The following MAST4 variants were observed in gnomAD, a reference collection of about 807,000 sequenced individuals.
MAST4 encodes the protein microtubule-associated serine/threonine-protein kinase 4.
Under a neutral mutation model 162.7 loss-of-function variants are expected in MAST4, and 89 were observed. That is an observed-to-expected ratio of 0.55 (90% CI 0.46 to 0.65). The LOEUF is 0.65. Among genes scored for constraint, MAST4 ranks in the 30% least tolerant of loss-of-function variants. MAST4 has a pLI of 0.00. For missense variants in MAST4, 3,153 were observed against 3,374.0 expected (o/e 0.93, Z 1.62); for synonymous variants, 1,479 against 1,361.1 (o/e 1.09, Z -1.91).
intron 5 of MAST4, among the ~76,000 whole-genome samples, chr5:67,073,420 G>A (rs1351236103): frequency 6.6e-6 from 1 of 152,226 alleles, no homozygotes; most frequent in African/African-American, 2.4e-5. Flanking sequence ...TTGGAAAAGT[G>A]GGTGGTGGCA....
At chr5:67,062,305 G>A (rs1759720600) in intron 5 of MAST4, among the ~76,000 whole-genome samples, 1 of 152,104 alleles carries the variant, frequency 6.6e-6, no homozygotes, top group South Asian at 2.1e-4. Context: ...AGCTGAGGTA[G>A]GAGAATCGCT....
Position 67,142,186 on chromosome 5 carries a change from G to T in MAST4, c.2566G>T (p.Ala856Ser). 6.2e-7 allele frequency: 1 copy of T among 1,613,872 alleles called. No individual in the cohort carries two copies. Among genetic ancestry groups the T allele is most frequent in the Non-Finnish European group, 8.5e-7 (1 of 1,179,810 alleles). Residue 856 changes from alanine (A) to serine (S), a missense_variant, in exon 20 of 29, where the codon GCA (alanine) becomes TCA (serine). Transcript: ENST00000403625. ...LDWNSLLRQK[A>S]EFIPQLESED... is the part of the protein sequence containing the mutation. ...CTGGAACAGTTTGCTGAGACAGAAGGCAGAATTTATTCCCCAACTGGAATC... is the reference window on the plus strand; with the variant it reads ...CTGGAACAGTTTGCTGAGACAGAAGTCAGAATTTATTCCCCAACTGGAATC...
chr5:66,887,459 C>T (rs956657663), intron 3 of MAST4, among the ~76,000 whole-genome samples: 1 of 152,146 alleles, frequency 6.6e-6, no homozygotes, highest in African/African-American at 2.4e-5. Flanking sequence ...GAAAACCCAA[C>T]TAATAGTAGG....
At chr5:67,042,858 G>T (rs1756931113) in intron 4 of MAST4, among the ~76,000 whole-genome samples, 1 of 152,186 alleles carries the variant, frequency 6.6e-6, no homozygotes, top group Admixed American at 6.5e-5. Flanking sequence ...AAAGAACAAA[G>T]TGGAGCTCTG....
At chr5:66,631,494 C>T (rs992548732) in intron 1 of MAST4, among the ~76,000 whole-genome samples, 1 of 152,148 alleles carries the variant, frequency 6.6e-6, no homozygotes, top group African/African-American at 2.4e-5. Context: ...AAAGGAGCCA[C>T]AGTAGGGCTG....
intron 3 of MAST4, among the ~76,000 whole-genome samples, chr5:66,877,622 C>T (rs540061468): frequency 1.8e-4 from 27 of 152,260 alleles, no homozygotes; most frequent in African/African-American, 3.9e-4. Context: ...GCCTGGCATT[C>T]GCAACTGCTT....
chr5:66,625,045 T>C (rs1292928641), intron 1 of MAST4, among the ~76,000 whole-genome samples: 2 of 152,232 alleles, frequency 1.3e-5, no homozygotes, highest in African/African-American at 2.4e-5. Context: ...TGTTATTTTT[T>C]TGTACATGCA....
intron 1 of MAST4, among the ~76,000 whole-genome samples, chr5:66,743,790 T>C (rs762514480): frequency 1.3e-5 from 2 of 152,232 alleles, no homozygotes; most frequent in African/African-American, 4.8e-5. Context: ...CTTGGAATTT[T>C]AAAATTTTTT....
intron 4 of MAST4, among the ~76,000 whole-genome samples, chr5:66,996,737 CCTT>C (rs1264152010): frequency 6.6e-6 from 1 of 152,276 alleles, no homozygotes; most frequent in East Asian, 1.9e-4. Context: ...CACATTGCTG[CCTT>C]CTTCAAGTAT....
chr5:66,865,461 T>A (rs1429681798), intron 3 of MAST4, among the ~76,000 whole-genome samples: 1 of 152,198 alleles, frequency 6.6e-6, no homozygotes, highest in African/African-American at 2.4e-5. Context: ...TAAGGAAAAA[T>A]GCATATTACA....
At chr5:66,654,185 G>T (rs1230655205) in intron 1 of MAST4, among the ~76,000 whole-genome samples, 1 of 152,196 alleles carries the variant, frequency 6.6e-6, no homozygotes, top group Non-Finnish European at 1.5e-5. Flanking sequence ...GGCCAGGGGA[G>T]ACTCCTCTGA....
intron 3 of MAST4, among the ~76,000 whole-genome samples, chr5:66,877,631 T>C (rs1300370292): frequency 6.6e-6 from 1 of 152,226 alleles, no homozygotes; most frequent in African/African-American, 2.4e-5. Context: ...TCGCAACTGC[T>C]TCCTCTTTGT....
rs928116927 is a variant in MAST4 at position 66,788,932 on chromosome 5, T to C, written c.642+138T>C. 1.8e-5 allele frequency: 21 copies of C among 1,190,954 alleles called. No homozygotes were observed. In the African/African-American group the frequency reaches 3.3e-4, roughly 19 times the overall value. The allele number at this position is 1,190,954 out of a possible 1,614,324, so 73.8% of individuals were successfully genotyped here. ...ACATATTTGGCAATGTGGAATTCCTTGCTTTCAATGTGCTAATTTCTGCAC... is the reference window on the plus strand; with the variant it reads ...ACATATTTGGCAATGTGGAATTCCTCGCTTTCAATGTGCTAATTTCTGCAC... On this transcript the variant is annotated intron_variant, in intron 3 of 28. Coordinates refer to ENST00000403625, the MANE Select transcript of MAST4 (RefSeq NM_001164664.2).
chr5:67,134,434 C>A, intron 17 of MAST4, 89 bp from the exon 18 acceptor site: 2 of 1,252,512 alleles, frequency 1.6e-6, no homozygotes, highest in Non-Finnish European at 2.2e-6. Flanking sequence ...CAGGTGCATT[C>A]TGGGCAAAAT....
intron 1 of MAST4, among the ~76,000 whole-genome samples, chr5:66,687,652 CTATCTAT>C (rs1394453737): frequency 3.3e-5 from 5 of 149,986 alleles, no homozygotes; most frequent in African/African-American, 1.3e-4. Flanking sequence ...ATCTATCTAT[CTATCTAT>C]CTATCTATCT....
chr5:67,009,823 A>G (rs1376479851), intron 4 of MAST4, among the ~76,000 whole-genome samples: 1 of 152,112 alleles, frequency 6.6e-6, no homozygotes, highest in Non-Finnish European at 1.5e-5. Context: ...CAAGCCAGTT[A>G]ATAAGTTCTT....
chr5:66,998,846 C>G (rs1282582938), intron 4 of MAST4, among the ~76,000 whole-genome samples: 1 of 152,126 alleles, frequency 6.6e-6, no homozygotes, highest in Non-Finnish European at 1.5e-5. Flanking sequence ...GTGGAAGAAC[C>G]CTTTCATGCA....
At chr5:66,637,327 T>C (rs1488515496) in intron 1 of MAST4, among the ~76,000 whole-genome samples, 1 of 152,114 alleles carries the variant, frequency 6.6e-6, no homozygotes, top group Non-Finnish European at 1.5e-5. Context: ...CTCCTTAGGA[T>C]AAATTCCTGG....
intron 1 of MAST4, among the ~76,000 whole-genome samples, chr5:66,748,803 A>T (rs184354120): frequency 6.6e-6 from 1 of 151,810 alleles, no homozygotes; most frequent in Non-Finnish European, 1.5e-5. Context: ...CATTTCTTAC[A>T]GTATCATTAA....
Sources: gnomAD v4.1 joint callset for allele counts (sites outside exome capture counted in the v4.1 genomes callset) on GRCh38, gnomAD v4.1.1 for gene constraint, MANE v1.5 for transcripts, NCBI Gene and HGNC (gene_info 2026-07-23, HGNC 2026-07-21) for gene names.